MAGI1: variants seen among roughly 807,000 people sequenced by gnomAD.
MAGI1 encodes the protein membrane-associated guanylate kinase, WW and PDZ domain-containing protein 1.
In MAGI1, 58 loss-of-function variants were observed where a neutral mutation model predicts 139.9. That is an observed-to-expected ratio of 0.41 (90% confidence interval 0.34 to 0.52). MAGI1 has a LOEUF of 0.52. Among genes scored for constraint, MAGI1 ranks in the 20% least tolerant of loss-of-function variants. The pLI is 0.12. For synonymous variants in MAGI1, 812 were observed against 737.9 expected, an observed-to-expected ratio of 1.10 and a Z score of -1.63; for missense variants, 1,874 against 1,901.6, an observed-to-expected ratio of 0.99 and a Z score of 0.27.
intron 1 of MAGI1, among the ~76,000 whole-genome samples, chr3:65,929,577 C>A (rs891510776): frequency 1.6e-4 from 25 of 152,258 alleles, no homozygotes; most frequent in African/African-American, 6.0e-4. Flanking sequence ...TCGTGATCCA[C>A]CCACCTCGGC....
chr3:65,548,461 A>C (rs1002954482), intron 2 of MAGI1, among the ~76,000 whole-genome samples: 3 of 149,950 alleles, frequency 2.0e-5, no homozygotes, highest in South Asian at 2.1e-4. Context: ...CTCCCTTTTC[A>C]ACTCCTCTCC....
At chr3:65,597,411 C>G (rs1215695624) in intron 2 of MAGI1, among the ~76,000 whole-genome samples, 1 of 152,040 alleles carries the variant, frequency 6.6e-6, no homozygotes, top group Non-Finnish European at 1.5e-5. Context: ...GCCACACTTC[C>G]TCCAGCATCC....
intron 1 of MAGI1, among the ~76,000 whole-genome samples, chr3:65,837,113 C>CA (rs975245207): frequency 2.6e-5 from 4 of 151,016 alleles, no homozygotes; most frequent in Non-Finnish European, 4.4e-5. Context: ...TTCTTCAATG[C>CA]AAAAAAAATA....
chr3:65,979,858 G>C (rs918604578), intron 1 of MAGI1, among the ~76,000 whole-genome samples: 13 of 152,192 alleles, frequency 8.5e-5, no homozygotes, highest in African/African-American at 2.4e-4. Flanking sequence ...TCAATAAACT[G>C]TGAGCTCAGC....
At position 65,748,999 on chromosome 3, in the gene MAGI1, G is replaced by A. The variant is rs190024236; in HGVS notation, c.314-126911C>T. ...AGATGGTATCCTCAAACAGGCCAGCGGCAGTAGGGGTGGACAGTAGATGTG... is the reference window on the plus strand; with the variant it reads ...AGATGGTATCCTCAAACAGGCCAGCAGCAGTAGGGGTGGACAGTAGATGTG... On this transcript the variant is annotated intron_variant, in intron 1 of 22. Transcript: ENST00000402939. 7.9e-5 allele frequency among the ~76,000 whole-genome samples: 12 copies of A among 152,254 alleles called. No individual in the cohort carries two copies. In the East Asian group the frequency reaches 1.2e-3, roughly 15 times the overall value.
At chr3:65,791,058 A>G (rs559162575) in intron 1 of MAGI1, among the ~76,000 whole-genome samples, 67 of 152,250 alleles carry the variant, frequency 4.4e-4, no homozygotes, top group African/African-American at 1.6e-3. Flanking sequence ...CTGGGCAACA[A>G]AGCAAGACTC....
intron 2 of MAGI1, among the ~76,000 whole-genome samples, chr3:65,517,347 C>T (rs1249447045): frequency 1.3e-5 from 2 of 152,166 alleles, no homozygotes; most frequent in African/African-American, 2.4e-5. Context: ...TACTGTAAAT[C>T]GTAAGCTCTT....
intron 2 of MAGI1, among the ~76,000 whole-genome samples, chr3:65,574,525 C>G (rs1046265189): frequency 3.3e-5 from 5 of 151,376 alleles, no homozygotes; most frequent in Admixed American, 2.6e-4. Context: ...AATGTCCATT[C>G]TCCACATATT....
chr3:65,558,228 G>A (rs947692789), intron 2 of MAGI1, among the ~76,000 whole-genome samples: 11 of 152,100 alleles, frequency 7.2e-5, no homozygotes, highest in African/African-American at 2.2e-4. Flanking sequence ...GTTTCTAAAC[G>A]TTTCCATTTT....
At chr3:65,728,401 C>T (rs75465353) in intron 1 of MAGI1, among the ~76,000 whole-genome samples, 3 of 152,246 alleles carry the variant, frequency 2.0e-5, no homozygotes, top group East Asian at 3.9e-4. Flanking sequence ...TCTTTGTCTG[C>T]AGGAAGCTGC....
Position 65,470,504 on chromosome 3 carries a change from GGTGA to G in MAGI1, c.758-24_758-21del, listed in dbSNP as rs749380744. 6.5e-7 allele frequency: 1 copy of G among 1,534,110 alleles called. No homozygotes were observed. On this transcript the variant is annotated intron_variant, in intron 4 of 22. Coordinates refer to ENST00000402939, the MANE Select transcript of MAGI1 (RefSeq NM_001033057.2). ...AATCGGCTGCTTAATCATGTGAAGA[GGTGA>G]GAGAGAGAGAGAGAGAAAAAAAAAA...
At chr3:65,642,504 A>G (rs2085035950) in intron 1 of MAGI1, among the ~76,000 whole-genome samples, 1 of 152,194 alleles carries the variant, frequency 6.6e-6, no homozygotes, top group South Asian at 2.1e-4. Flanking sequence ...AAAATTTTGA[A>G]TAAAGTGTTT....
At chr3:65,533,372 A>G (rs2078806739) in intron 2 of MAGI1, among the ~76,000 whole-genome samples, 1 of 152,216 alleles carries the variant, frequency 6.6e-6, no homozygotes, top group Non-Finnish European at 1.5e-5. Context: ...CAAATACTGA[A>G]GGAATAGATA....
intron 1 of MAGI1, among the ~76,000 whole-genome samples, chr3:65,870,513 G>T (rs1480440205): frequency 2.6e-5 from 4 of 151,806 alleles, no homozygotes; most frequent in African/African-American, 9.7e-5. Flanking sequence ...AAATGAGAAA[G>T]AGAGCAGGGA....
chr3:65,951,647 T>C (rs1009174532), intron 1 of MAGI1, among the ~76,000 whole-genome samples: 2 of 152,216 alleles, frequency 1.3e-5, no homozygotes, highest in Non-Finnish European at 2.9e-5. Flanking sequence ...TTAAAGTAGC[T>C]ACCAGACAAT....
chr3:65,705,286 A>C (rs528132856), intron 1 of MAGI1, among the ~76,000 whole-genome samples: 18 of 146,758 alleles, frequency 1.2e-4, no homozygotes, highest in Non-Finnish European at 2.1e-4. Flanking sequence ...AAATTTCACA[A>C]AGTGGTTAAC....
chr3:65,609,257 T>A (rs551099495), intron 2 of MAGI1, among the ~76,000 whole-genome samples: 124 of 151,844 alleles, frequency 8.2e-4, no homozygotes, highest in Non-Finnish European at 1.5e-3. Flanking sequence ...ATTTATTTCA[T>A]CTCTATCTCT....
intron 2 of MAGI1, among the ~76,000 whole-genome samples, chr3:65,543,772 G>C (rs1313686722): frequency 6.6e-6 from 1 of 151,992 alleles, no homozygotes; most frequent in Admixed American, 6.6e-5. Flanking sequence ...GGGTACAAGA[G>C]GGATAGCATT....
chr3:65,806,751 C>A (rs139300450), intron 1 of MAGI1, among the ~76,000 whole-genome samples: 1 of 152,240 alleles, frequency 6.6e-6, no homozygotes, highest in Non-Finnish European at 1.5e-5. Context: ...TAGTTTATAT[C>A]AAACTGATCT....
Sources: allele counts gnomAD v4.1 joint callset (sites outside exome capture counted in the v4.1 genomes callset), GRCh38; gene constraint gnomAD v4.1.1; transcripts MANE v1.5; gene names NCBI Gene and HGNC (gene_info 2026-07-23, HGNC 2026-07-21).